The following SP140L variants were observed in gnomAD, a reference collection of about 807,000 sequenced individuals.
SP140L encodes nuclear body protein SP140-like protein.
In SP140L, 64 loss-of-function variants were observed where a neutral mutation model predicts 84.3. The observed-to-expected ratio is 0.76, with a 90% CI of 0.62 to 0.94. SP140L has a LOEUF of 0.94. SP140L is among the 40% of genes least tolerant of loss of function. SP140L has a pLI of 0.00. For missense variants in SP140L, 628 were observed against 692.5 expected (o/e 0.91, Z 1.05); for synonymous variants, 242 against 236.9 (o/e 1.02, Z -0.20).
At chr2:230,395,484 G>A (rs1401519766) in intron 13 of SP140L, among the ~76,000 whole-genome samples, 1 of 152,168 alleles carries the variant, frequency 6.6e-6, no homozygotes, top group East Asian at 1.9e-4. Flanking sequence ...GGAGGCTGAG[G>A]TGGGAGGATC....
At position 230,327,300 on chromosome 2, in the gene SP140L, A is replaced by G. The variant is rs201222809; in HGVS notation, c.31A>G (p.Arg11Gly). MAGGGSDLST[R>G]GLNGGVSQVA... ...AGGTGGGGGCAGCGACCTGAGCACC[A>G]GGTGAGTCTTTATCTCTCTTCCTTT... is the stretch of plus-strand genomic sequence containing the variant. The change falls in exon 1 of 19, where the codon AGG becomes GGG. Residue 11 changes from arginine to glycine, a missense_variant and splice_region_variant. Coordinates refer to ENST00000415673, the MANE Select transcript of SP140L (RefSeq NM_138402.6). 1.9e-6 allele frequency: 3 copies of G among 1,611,434 alleles called. No homozygotes were observed. The highest frequency in any genetic ancestry group is 2.5e-6 in the Non-Finnish European group (3 of 1,178,840).
At chr2:230,375,946 C>T (rs1468011664) in intron 7 of SP140L, among the ~76,000 whole-genome samples, 1 of 152,126 alleles carries the variant, frequency 6.6e-6, no homozygotes, top group East Asian at 1.9e-4. Context: ...GCGTTTGTTG[C>T]CTGTGTTTCT....
At chr2:230,353,488 C>T (rs1353844395) in intron 2 of SP140L, among the ~76,000 whole-genome samples, 1 of 151,978 alleles carries the variant, frequency 6.6e-6, no homozygotes, top group African/African-American at 2.4e-5. Context: ...TTGCAATGCC[C>T]ATAAAACATT....
chr2:230,360,721 G>C (rs1186390899), intron 4 of SP140L, among the ~76,000 whole-genome samples: 7 of 152,172 alleles, frequency 4.6e-5, no homozygotes, highest in Non-Finnish European at 7.4e-5. Context: ...TGGGTGACCT[G>C]CACTGAGGCT....
At chr2:230,387,404 T>C (rs1451385930) in intron 9 of SP140L, among the ~76,000 whole-genome samples, 1 of 152,092 alleles carries the variant, frequency 6.6e-6, no homozygotes, top group African/African-American at 2.4e-5. Flanking sequence ...GCCATTTGGG[T>C]CTTAAATGGG....
intron 11 of SP140L, 29 bp downstream of exon 11, chr2:230,390,052 A>G: frequency 6.3e-7 from 1 of 1,575,298 alleles, no homozygotes; most frequent in Non-Finnish European, 8.7e-7. Context: ...TTTAATTTGC[A>G]GCTCCTATCT....
intron 2 of SP140L, among the ~76,000 whole-genome samples, chr2:230,337,027 T>A (rs1204001733): frequency 6.6e-6 from 1 of 152,154 alleles, no homozygotes; most frequent in Non-Finnish European, 1.5e-5. Flanking sequence ...AGAAAAGAGG[T>A]TTAATGGCGT....
intron 7 of SP140L, among the ~76,000 whole-genome samples, chr2:230,377,013 T>A (rs1396817473): frequency 6.6e-6 from 1 of 152,246 alleles, no homozygotes; most frequent in African/African-American, 2.4e-5. Context: ...TATAGAGCTA[T>A]ATATAAAACA....
intron 14 of SP140L, among the ~76,000 whole-genome samples, chr2:230,398,595 TTC>T (rs1243694647): frequency 1.3e-5 from 2 of 152,230 alleles, no homozygotes; most frequent in Non-Finnish European, 2.9e-5. Context: ...AAACTGTGAG[TTC>T]TCAAAGTGTG....
chr2:230,402,709 G>T, intron 18 of SP140L, 89 bp from the exon 19 acceptor site: 1 of 1,002,856 alleles, frequency 1.0e-6, no homozygotes, highest in Non-Finnish European at 1.5e-6. Flanking sequence ...ATTTTTTAAA[G>T]ACAAGAGTCC....
In SP140L at chr2:230,396,735, AATCT is replaced by A; in HGVS notation, c.1156-21_1156-18del. On this transcript the variant is annotated intron_variant, in intron 13 of 18. Transcript: ENST00000415673. Reference sequence around the variant, plus strand: ...AACAATGCATTCAATATCATAAATCAATCTTTCTGTTTTTTCAACAGAGAATACT... The same window carrying A: ...AACAATGCATTCAATATCATAAATCATTCTGTTTTTTCAACAGAGAATACT... The A allele has an allele frequency of 6.2e-7, 1 of 1,612,550 alleles. No individual in the cohort carries two copies. The highest frequency in any genetic ancestry group is 8.5e-7 in the Non-Finnish European group (1 of 1,178,918).
intron 1 of SP140L, among the ~76,000 whole-genome samples, chr2:230,328,359 TA>T (rs2059637739): frequency 6.6e-6 from 1 of 152,232 alleles, no homozygotes; most frequent in South Asian, 2.1e-4. Context: ...GTGTATGAAG[TA>T]TGTTTTTGTA....
At chr2:230,391,909 C>G (rs1271899284) in intron 11 of SP140L, 178 bp from the exon 12 acceptor site, 1 of 750,786 alleles carries the variant, frequency 1.3e-6, no homozygotes, top group African/African-American at 1.8e-5. Context: ...AGGAAATATA[C>G]TTAGAGGGGA....
chr2:230,328,767 G>A lies in SP140L; in HGVS notation c.43G>A (p.Gly15Arg), dbSNP rs756373352. The stretch of plus-strand genomic sequence containing the variant: ...AAATTGTCTTTTTAGGGGGCTGAAC[G>A]GAGGTGTTTCACAAGTAGCAAATGA... ...GSDLSTRGLN[G>R]GVSQVANEMN... is the part of the protein sequence containing the mutation. Residue 15 changes from glycine to arginine, a missense_variant, in exon 2 of 19, where the codon GGA becomes AGA. Around this residue, in one of 4 missense-constraint regions of SP140L, gnomAD observed 525 missense variants for 518.4 expected, o/e 1.01. Coordinates refer to ENST00000415673, the MANE Select transcript of SP140L (RefSeq NM_138402.6). 7.4e-6 allele frequency: 12 copies of A among 1,612,678 alleles called. No homozygotes were observed. Among genetic ancestry groups the A allele is most frequent in the South Asian group, 4.4e-5 (4 of 90,846 alleles).
At chr2:230,351,063 T>C (rs1385567224) in intron 2 of SP140L, among the ~76,000 whole-genome samples, 3 of 152,174 alleles carry the variant, frequency 2.0e-5, no homozygotes, top group Admixed American at 1.3e-4. Flanking sequence ...ATGGAGAGCA[T>C]TGAAAGTTCT....
chr2:230,393,578 C>A, intron 13 of SP140L, 117 bp downstream of exon 13: 1 of 1,214,324 alleles, frequency 8.2e-7, no homozygotes, highest in Non-Finnish European at 1.1e-6. Context: ...ACCTTCTCCA[C>A]TTCCCACATA....
Position 230,343,303 on chromosome 2 carries a change from C to T in SP140L, c.107+14472C>T, listed in dbSNP as rs550528178. Among the ~76,000 whole-genome samples, 171 of 147,614 alleles carry T rather than the reference C, an allele frequency of 1.2e-3. 10 individuals are homozygous for T. Among genetic ancestry groups the T allele is most frequent in the Non-Finnish European group, 1.8e-3 (123 of 66,666 alleles). On this transcript the variant is annotated intron_variant, in intron 2 of 18. Coordinates refer to ENST00000415673, the MANE Select transcript of SP140L (RefSeq NM_138402.6). The stretch of plus-strand genomic sequence containing the variant: ...ATGTGTTCATGTGTTCTCAACATTC[C>T]GCTCCCACTTATAAGTTAGAACATG...
In SP140L at chr2:230,378,313, A is replaced by G. The variant is rs139532741; in HGVS notation, c.638-5197A>G. ...ACCCGTGCATTTTGAAGATTCTTCT[A>G]TCTTGCAGCTCAGCTACTGTCAAGA... On this transcript the variant is annotated intron_variant, in intron 7 of 18. Coordinates refer to ENST00000415673, the MANE Select transcript of SP140L (RefSeq NM_138402.6). Among the ~76,000 whole-genome samples, 364 of 152,298 alleles carry G rather than the reference A, an allele frequency of 2.4e-3. 3 individuals carry two copies. The highest frequency in any genetic ancestry group is 2.8e-3 in the Non-Finnish European group (189 of 68,014).
At chr2:230,361,732 G>T (rs539619382) in intron 5 of SP140L, 35 bp downstream of exon 5, 3 of 1,489,616 alleles carry the variant, frequency 2.0e-6, no homozygotes, top group East Asian at 2.5e-5. Context: ...TTTCTCATCC[G>T]CTAAGAGGAA....
Sources: allele counts gnomAD v4.1 joint callset (sites outside exome capture counted in the v4.1 genomes callset), GRCh38; gene constraint gnomAD v4.1.1; regional missense constraint gnomAD v4.1.1; transcripts MANE v1.5; gene names NCBI Gene and HGNC (gene_info 2026-07-23, HGNC 2026-07-21).